Variants in CCNY observed in about 807,000 individuals in gnomAD.
CCNY encodes cyclin Y.
CCNY carries 19 observed loss-of-function variants against 42.8 expected under a neutral mutation model. The ratio of observed to expected loss-of-function variants is 0.44; its 90% confidence interval spans 0.31 to 0.65. The LOEUF (loss-of-function observed/expected upper bound fraction) is 0.65, where lower values mean the gene tolerates loss of function less well. CCNY is among the 30% of genes least tolerant of loss of function. The pLI, the probability that CCNY is intolerant of heterozygous loss-of-function variation, is 0.07. For synonymous variants in CCNY, 165 were observed against 162.7 expected, an observed-to-expected ratio of 1.01 and a Z score of -0.11; for missense variants, 370 against 437.3, an observed-to-expected ratio of 0.85 and a Z score of 1.37.
chr10:35,452,770 T>TA (rs35849411), intron 1 of CCNY, among the ~76,000 whole-genome samples: 4,363 of 115,872 alleles, frequency 0.038, 126 homozygotes, highest in African/African-American at 0.085. Context: ...TATAGAAAAG[T>TA]AAAAAAAAAA....
chr10:35,534,139 A>G (rs1305642271), intron 7 of CCNY, among the ~76,000 whole-genome samples: 3 of 151,820 alleles, frequency 2.0e-5, no homozygotes, highest in Non-Finnish European at 4.4e-5. Context: ...CTCCTGCCTC[A>G]GCCTTCTGAG....
At chr10:35,471,790 A>G (rs11591533) in intron 1 of CCNY, among the ~76,000 whole-genome samples, 1 of 152,204 alleles carries the variant, frequency 6.6e-6, no homozygotes, top group African/African-American at 2.4e-5. Context: ...AAATAGGCTA[A>G]GACTCTGCTT....
chr10:35,553,348 A>G (rs1169815578), intron 8 of CCNY, among the ~76,000 whole-genome samples, 163 bp downstream of exon 8: 6 of 152,196 alleles, frequency 3.9e-5, no homozygotes, highest in African/African-American at 1.2e-4. Flanking sequence ...GGAATATTAC[A>G]TATGAAAACC....
intron 1 of CCNY, among the ~76,000 whole-genome samples, chr10:35,340,903 A>G (rs1836165137): frequency 6.6e-6 from 1 of 152,088 alleles, no homozygotes; most frequent in African/African-American, 2.4e-5. Flanking sequence ...CTCTGCCCTC[A>G]GAATATATCA....
At chr10:35,488,950 A>T (rs917192694) in intron 2 of CCNY, among the ~76,000 whole-genome samples, 1 of 152,188 alleles carries the variant, frequency 6.6e-6, no homozygotes, top group African/African-American at 2.4e-5. Context: ...TGATTTTGAA[A>T]AGTCATTTAT....
chr10:35,484,497 G>C (rs1430311453), intron 2 of CCNY, among the ~76,000 whole-genome samples: 1 of 152,124 alleles, frequency 6.6e-6, no homozygotes, highest in African/African-American at 2.4e-5. Context: ...TAGGCATCTA[G>C]TATTTAGGTT....
In CCNY at chr10:35,253,258, A is replaced by C. The variant is rs182649417; in HGVS notation, c.-9+2632A>C. On this transcript the variant is annotated intron_variant, in intron 3 of 11. Transcript: ENST00000374706. ...AACTAGGCCTTTGTCTTCTCCACGT[A>C]ATTTTTTTTGGGATAGGATCTCACT... 4.6e-3 allele frequency among the ~76,000 whole-genome samples: 701 copies of C among 151,968 alleles called. 43 individuals carry two copies. The South Asian group carries it at 0.12, about 27-fold the overall frequency.
intron 1 of CCNY, among the ~76,000 whole-genome samples, chr10:35,476,723 G>A (rs1283832495): frequency 6.6e-6 from 1 of 150,760 alleles, no homozygotes; most frequent in Non-Finnish European, 1.5e-5. Flanking sequence ...ACAATTAAAA[G>A]AACTAGAAAA....
At chr10:35,260,070 G>A (rs1482370464) in intron 3 of CCNY, among the ~76,000 whole-genome samples, 1 of 152,046 alleles carries the variant, frequency 6.6e-6, no homozygotes, top group Non-Finnish European at 1.5e-5. Flanking sequence ...TCCTGTTCAT[G>A]CTTTGTCTTT....
At chr10:35,490,028 G>A (rs955196794) in intron 2 of CCNY, among the ~76,000 whole-genome samples, 2 of 152,080 alleles carry the variant, frequency 1.3e-5, no homozygotes, top group Admixed American at 6.5e-5. Context: ...TCCCTCTGTC[G>A]CCGCAGAGGT....
intron 3 of CCNY, among the ~76,000 whole-genome samples, chr10:35,273,633 T>C (rs1394955509): frequency 6.6e-6 from 1 of 152,094 alleles, no homozygotes; most frequent in African/African-American, 2.4e-5. Context: ...CCTGGTGGAT[T>C]TGGCCAATGC....
intron 4 of CCNY, among the ~76,000 whole-genome samples, chr10:35,522,027 A>G (rs921706556): frequency 1.3e-5 from 2 of 152,320 alleles, no homozygotes; most frequent in South Asian, 2.1e-4. Context: ...CAAAAACAAA[A>G]TAGACAGCCC....
intron 1 of CCNY, among the ~76,000 whole-genome samples, chr10:35,344,765 C>T (rs974964416): frequency 7.2e-5 from 11 of 152,052 alleles, no homozygotes; most frequent in African/African-American, 2.7e-4. Context: ...GTGATGTTCC[C>T]CTTCCTGTGT....
rs572883563 is a variant in CCNY at position 35,257,606 on chromosome 10, C to T, written c.-9+6980C>T. ...CTGCAGAGTCTCTGGGAGAAATGTG[C>T]TGACAGTCTTATTGAGAGACCCTTG... is the stretch of plus-strand genomic sequence containing the variant. On this transcript the variant is annotated intron_variant, in intron 3 of 11. Coordinates refer to the CCNY transcript ENST00000374706. Among the ~76,000 whole-genome samples the T allele has an allele frequency of 2.0e-5, 3 of 152,240 alleles. No homozygotes were observed. In the South Asian group the frequency reaches 6.2e-4, roughly 32 times the overall value.
At chr10:35,250,341 G>C (rs2095711020) in intron 2 of CCNY, among the ~76,000 whole-genome samples, 1 of 152,078 alleles carries the variant, frequency 6.6e-6, no homozygotes, top group South Asian at 2.1e-4. Flanking sequence ...CTCCAGCCTG[G>C]GCAATAGAAT....
At chr10:35,280,989 G>A (rs1041729144) in intron 3 of CCNY, among the ~76,000 whole-genome samples, 1 of 152,140 alleles carries the variant, frequency 6.6e-6, no homozygotes, top group Non-Finnish European at 1.5e-5. Flanking sequence ...AAAAGCACAC[G>A]AAAAGTTGCT....
At chr10:35,525,073 A>G (rs539182068) in intron 4 of CCNY, among the ~76,000 whole-genome samples, 2 of 152,312 alleles carry the variant, frequency 1.3e-5, no homozygotes, top group South Asian at 4.1e-4. Flanking sequence ...ATTAGAAACA[A>G]CCTAAATGTT....
chr10:35,275,111 T>G (rs1426526051), intron 3 of CCNY, among the ~76,000 whole-genome samples: 1 of 137,262 alleles, frequency 7.3e-6, no homozygotes, highest in Non-Finnish European at 1.5e-5. Flanking sequence ...TCACCCAGGC[T>G]GGAGTGCATT....
intron 8 of CCNY, among the ~76,000 whole-genome samples, chr10:35,558,452 A>G (rs1049834735): frequency 3.3e-5 from 5 of 152,222 alleles, no homozygotes; most frequent in African/African-American, 1.2e-4. Context: ...AATTGAATGC[A>G]TATCCCAGCT....
Sources: gnomAD v4.1 joint callset for allele counts (sites outside exome capture counted in the v4.1 genomes callset) on GRCh38, gnomAD v4.1.1 for gene constraint, MANE v1.5 for transcripts, NCBI Gene and HGNC (gene_info 2026-07-23, HGNC 2026-07-21) for gene names.